The following AKAP6 variants were observed in gnomAD, a reference collection of about 807,000 sequenced individuals.
AKAP6 encodes the protein A-kinase anchoring protein 6.
In AKAP6, 58 loss-of-function variants were observed where a neutral mutation model predicts 188.5. The observed-to-expected ratio is 0.31, with a 90% CI of 0.25 to 0.38. The LOEUF (loss-of-function observed/expected upper bound fraction) is 0.38, where lower values mean the gene tolerates loss of function less well. AKAP6 is among the 10% of genes least tolerant of loss of function. The pLI is 1.00. For synonymous variants in AKAP6, 989 were observed against 998.6 expected, an observed-to-expected ratio of 0.99 and a Z score of 0.18; for missense variants, 2,710 against 2,740.0, an observed-to-expected ratio of 0.99 and a Z score of 0.24.
intron 1 of AKAP6, among the ~76,000 whole-genome samples, chr14:32,396,982 A>C (rs910378512): frequency 6.6e-6 from 1 of 152,208 alleles, no homozygotes; most frequent in African/African-American, 2.4e-5. Flanking sequence ...AATAGGTGGA[A>C]AGTGGAAACT....
At chr14:32,348,555 C>T (rs1260581434) in intron 1 of AKAP6, among the ~76,000 whole-genome samples, 2 of 151,714 alleles carry the variant, frequency 1.3e-5, no homozygotes, top group African/African-American at 4.8e-5. Flanking sequence ...GCTGGGATTA[C>T]AGGCGTGCTC....
At chr14:32,378,432 G>A (rs528435118) in intron 1 of AKAP6, among the ~76,000 whole-genome samples, 68 of 152,272 alleles carry the variant, frequency 4.5e-4, no homozygotes, top group African/African-American at 1.5e-3. Context: ...TATCTTATGT[G>A]TGTTCAGAGC....
At chr14:32,556,200 A>C (rs1459347108) in intron 4 of AKAP6, among the ~76,000 whole-genome samples, 2 of 152,108 alleles carry the variant, frequency 1.3e-5, no homozygotes, top group African/African-American at 2.4e-5. Flanking sequence ...CACTTCTCTG[A>C]TGAATAATGA....
At chr14:32,560,290 T>G (rs553539458) in intron 4 of AKAP6, among the ~76,000 whole-genome samples, 1 of 152,348 alleles carries the variant, frequency 6.6e-6, no homozygotes, top group African/African-American at 2.4e-5. Flanking sequence ...CTAATGGATT[T>G]GTTGAGACAT....
intron 12 of AKAP6, among the ~76,000 whole-genome samples, chr14:32,807,992 A>T (rs1463719098): frequency 6.6e-6 from 1 of 152,254 alleles, no homozygotes; most frequent in African/African-American, 2.4e-5. Flanking sequence ...GCATTTCAAG[A>T]GCAGTTTTGC....
intron 3 of AKAP6, among the ~76,000 whole-genome samples, chr14:32,540,168 C>CTCTCTATATATATATATATATA (rs1240063339): frequency 4.9e-5 from 3 of 60,922 alleles, no homozygotes; most frequent in African/African-American, 2.9e-4. Context: ...CTCTCTCTCT[C>CTCTCTATATATATATATATATA]TATATATATA....
intron 12 of AKAP6, 124 bp downstream of exon 12, chr14:32,774,017 C>A: frequency 1.9e-6 from 2 of 1,066,054 alleles, no homozygotes; most frequent in Non-Finnish European, 1.4e-6. Flanking sequence ...AGTGGTTTTG[C>A]CATCTTACAA....
intron 1 of AKAP6, among the ~76,000 whole-genome samples, chr14:32,349,930 G>C (rs1363942928): frequency 6.6e-6 from 1 of 152,166 alleles, no homozygotes; most frequent in Non-Finnish European, 1.5e-5. Flanking sequence ...AGCTGAAAGA[G>C]CTTCTACTGG....
intron 1 of AKAP6, among the ~76,000 whole-genome samples, chr14:32,392,647 A>G (rs150368443): frequency 6.6e-6 from 1 of 152,274 alleles, no homozygotes; most frequent in Non-Finnish European, 1.5e-5. Context: ...GAGAAAGTAT[A>G]AGATGACCCT....
chr14:32,418,505 C>T (rs1430834162), intron 1 of AKAP6, among the ~76,000 whole-genome samples: 1 of 152,128 alleles, frequency 6.6e-6, no homozygotes. Flanking sequence ...ACTCTCATGG[C>T]AGAGGGGAGA....
intron 12 of AKAP6, among the ~76,000 whole-genome samples, chr14:32,786,358 A>G (rs1254308247): frequency 8.9e-6 from 1 of 112,790 alleles, no homozygotes; most frequent in South Asian, 3.1e-4. Context: ...CCAAGGCTGG[A>G]GTGCAGTGGC....
chr14:32,697,635 AC>A (rs1164624728), intron 9 of AKAP6, among the ~76,000 whole-genome samples: 1 of 152,206 alleles, frequency 6.6e-6, no homozygotes, highest in Admixed American at 6.5e-5. Context: ...ATTATCTCGG[AC>A]TTTATTGCAC....
In AKAP6 at chr14:32,822,014, C is replaced by G; in HGVS notation, c.4201C>G (p.Gln1401Glu). The G allele has an allele frequency of 6.2e-7, 1 of 1,613,834 alleles. No homozygotes were observed. Among genetic ancestry groups the G allele is most frequent in the Non-Finnish European group, 8.5e-7 (1 of 1,179,928 alleles). ...CCTTGAAACTGAACATCTGGACCCACAAATGGGAGATGCAGTTAACGTGTT... is the reference window on the plus strand; with the variant it reads ...CCTTGAAACTGAACATCTGGACCCAGAAATGGGAGATGCAGTTAACGTGTT... Reference protein sequence around the residue: ...SNLETEHLDPQMGDAVNVLKQ... With the variant: ...SNLETEHLDPEMGDAVNVLKQ... Residue 1401 changes from glutamine to glutamate, a missense_variant, in exon 13 of 14, where the codon CAA (glutamine) becomes GAA (glutamate). Physicochemically the swap from Gln to Glu is conservative, Grantham distance 29. This residue lies in a region of AKAP6 where 2,473 missense variants were observed against 2,426.1 expected (regional missense o/e 1.02). Transcript: ENST00000280979.
intron 4 of AKAP6, among the ~76,000 whole-genome samples, chr14:32,550,796 A>G (rs1273520538): frequency 6.6e-6 from 1 of 152,208 alleles, no homozygotes; most frequent in Admixed American, 6.5e-5. Context: ...CCTCTAAGGT[A>G]GGTTTTTAAT....
chr14:32,698,538 A>AT (rs1455431206), intron 9 of AKAP6, among the ~76,000 whole-genome samples: 9 of 151,416 alleles, frequency 5.9e-5, no homozygotes, highest in East Asian at 5.8e-4. Flanking sequence ...GGGCGAAACA[A>AT]TTTTTTTTTA....
At chr14:32,728,880 G>T (rs1164285002) in intron 9 of AKAP6, among the ~76,000 whole-genome samples, 2 of 152,124 alleles carry the variant, frequency 1.3e-5, no homozygotes, top group African/African-American at 4.8e-5. Flanking sequence ...AGCTTTGGGG[G>T]CAAGGTTCAC....
chr14:32,836,064 C>T lies in AKAP6; in HGVS notation c.*6259C>T, dbSNP rs919114077. On this transcript the variant is annotated 3_prime_UTR_variant, in exon 14 of 14. Coordinates refer to ENST00000280979, the MANE Select transcript of AKAP6 (RefSeq NM_004274.5). The stretch of plus-strand genomic sequence containing the variant: ...CAGAAATTACGCAGAGCTTATTTGT[C>T]CTTGCATTTTGAAGTAAATCATTGC... 11 of 152,206 alleles carry T rather than the reference C, an allele frequency of 7.2e-5. No homozygotes were observed. The highest frequency in any genetic ancestry group is 1.3e-4 in the Non-Finnish European group (9 of 68,040). The allele number at this position is 152,206 out of a possible 1,614,324, so 9.4% of individuals were successfully genotyped here.
chr14:32,521,540 C>G (rs1011433472), intron 2 of AKAP6, among the ~76,000 whole-genome samples: 2 of 151,630 alleles, frequency 1.3e-5, no homozygotes, highest in Non-Finnish European at 2.9e-5. Flanking sequence ...CTATACACCA[C>G]TAACAGACAA....
chr14:32,598,766 G>A (rs1201249443), intron 5 of AKAP6, among the ~76,000 whole-genome samples: 4 of 152,112 alleles, frequency 2.6e-5, no homozygotes, highest in Non-Finnish European at 1.5e-5. Flanking sequence ...AACTATGACA[G>A]CAGTTTTTGT....
Sources: allele counts gnomAD v4.1 joint callset (sites outside exome capture counted in the v4.1 genomes callset), GRCh38; gene constraint gnomAD v4.1.1; regional missense constraint gnomAD v4.1.1; transcripts MANE v1.5; gene names NCBI Gene and HGNC (gene_info 2026-07-23, HGNC 2026-07-21).